KRT7: variants seen among roughly 807,000 people sequenced by gnomAD.
KRT7 encodes the protein keratin 7.
In KRT7, 50 loss-of-function variants were observed where a neutral mutation model predicts 42.8. The ratio of observed to expected loss-of-function variants is 1.17; its 90% confidence interval spans 0.93 to 1.48. The LOEUF (loss-of-function observed/expected upper bound fraction) is 1.48. KRT7 is among the 40% of genes most tolerant of loss of function. The pLI, the probability that KRT7 is intolerant of heterozygous loss-of-function variation, is 0.00. For missense variants in KRT7, 588 were observed against 637.6 expected (o/e 0.92, Z 0.84); for synonymous variants, 268 against 266.3 (o/e 1.01, Z -0.06).
chr12:52,252,862 A>C (rs533732541), downstream of KRT7, among the ~76,000 whole-genome samples: 9 of 152,278 alleles, frequency 5.9e-5, no homozygotes, highest in African/African-American at 2.2e-4. Context: ...TTGATGTCTG[A>C]ATGTGTGATC....
chr12:52,253,757 G>A (rs1158331177), downstream of KRT7: 6 of 952,164 alleles, frequency 6.3e-6, no homozygotes, highest in African/African-American at 1.7e-5. Context: ...ACTGGAGAAC[G>A]CGGATCTCCT....
intron 3 of KRT7, 132 bp from the exon 4 acceptor site, chr12:52,238,548 G>C (rs940614382): frequency 1.5e-6 from 1 of 655,578 alleles, no homozygotes; most frequent in Admixed American, 2.3e-5. Flanking sequence ...AGCAGCTGTA[G>C]AAACTGTTTC....
chr12:52,241,836 A>C (rs745933496), intron 5 of KRT7, 200 bp downstream of exon 5: 1 of 483,598 alleles, frequency 2.1e-6, no homozygotes, highest in Admixed American at 3.6e-5. Flanking sequence ...TGGATTAATC[A>C]TTATAATAGC....
chr12:52,255,658 C>T (rs1037190517), downstream of KRT7, among the ~76,000 whole-genome samples: 2 of 152,164 alleles, frequency 1.3e-5, no homozygotes, highest in African/African-American at 2.4e-5. Context: ...TGCACATTTT[C>T]GAAGACCTCC....
chr12:52,248,025 G>T (rs1271427465), intron 7 of KRT7, 152 bp from the exon 8 acceptor site: 3 of 725,838 alleles, frequency 4.1e-6, no homozygotes, highest in African/African-American at 1.7e-5. Context: ...ATGCCTCCTC[G>T]CTCCTTTTAC....
At chr12:52,251,133 C>T (rs1942260684), downstream of KRT7, among the ~76,000 whole-genome samples, 1 of 152,176 alleles carries the variant, frequency 6.6e-6, no homozygotes, top group Non-Finnish European at 1.5e-5. Flanking sequence ...GTGTCCATCA[C>T]CTTGCCCGGC....
intron 6 of KRT7, among the ~76,000 whole-genome samples, chr12:52,243,848 A>G (rs927408735): frequency 6.6e-6 from 1 of 152,102 alleles, no homozygotes; most frequent in Admixed American, 6.5e-5. Flanking sequence ...GATGGTCCCT[A>G]CCTCCACTGG....
downstream of KRT7, chr12:52,252,457 C>T (rs758461376): frequency 1.2e-5 from 20 of 1,614,032 alleles, no homozygotes; most frequent in South Asian, 1.1e-4. Flanking sequence ...TCAGACTGGG[C>T]CACCGCGGCC....
At chr12:52,241,431 G>A in intron 4 of KRT7, 41 bp from the exon 5 acceptor site, 1 of 1,521,616 alleles carries the variant, frequency 6.6e-7, no homozygotes, top group South Asian at 1.2e-5. Flanking sequence ...GTGGGCATAG[G>A]ATCCTGCCCT....
At chr12:52,243,418 A>C in intron 6 of KRT7, 1 of 362,002 alleles carries the variant, frequency 2.8e-6, no homozygotes. Context: ...GATACTGAGC[A>C]CTCTGCTTGC....
intron 6 of KRT7, chr12:52,244,917 G>A (rs1942146329): frequency 5.9e-6 from 1 of 169,866 alleles, no homozygotes; most frequent in Non-Finnish European, 1.2e-5. Context: ...TATTTTATAG[G>A]TGGTTTCTGG....
At chr12:52,255,308 C>G (rs1033565078), downstream of KRT7, 3 of 456,598 alleles carry the variant, frequency 6.6e-6, no homozygotes, top group South Asian at 1.5e-5. Context: ...TGTCTCTGGC[C>G]TCCATTCTGA....
At chr12:52,248,550 G>C (rs1346701775) in intron 8 of KRT7, 41 bp from the exon 9 acceptor site, 1 of 1,526,412 alleles carries the variant, frequency 6.6e-7, no homozygotes, top group Admixed American at 2.0e-5. Flanking sequence ...CCCTGGTAGG[G>C]AGCCTCACGC....
downstream of KRT7, chr12:52,253,083 A>G (rs1044575821): frequency 1.2e-6 from 1 of 844,282 alleles, no homozygotes; most frequent in Non-Finnish European, 2.0e-6. Flanking sequence ...TCCATGGAGG[A>G]GGCTGTCTGT....
In KRT7 at chr12:52,233,589, TCAA is replaced by T. The variant is rs987846727; in HGVS notation, c.300_302del (p.Asn100del). 10 of 1,612,900 alleles carry T rather than the reference TCAA, an allele frequency of 6.2e-6. No individual in the cohort carries two copies. Among genetic ancestry groups the T allele is most frequent in the African/African-American group, 1.3e-5 (1 of 74,958 alleles). On this transcript the variant is annotated inframe_deletion, in exon 1 of 9. Transcript: ENST00000331817. ...GAGGAGAGCGAGCAGATCAAGACCC[TCAA>T]CAACAAGTTTGCCTCCTTCATCGAC...
At chr12:52,243,389 C>T (rs1942121895) in intron 6 of KRT7, 1 of 467,612 alleles carries the variant, frequency 2.1e-6, no homozygotes, top group East Asian at 3.8e-5. Flanking sequence ...CAGAAGAAAG[C>T]CACCACTGGT....
Position 52,245,588 on chromosome 12 carries a change from C to T in KRT7, c.1161C>T (p.Ile387=), listed in dbSNP as rs115406998. ...TGAGCGTGAAGCTGGCCCTGGACAT[C>T]GAGATCGCCACCTACCGCAAGCTGC... The part of the protein sequence containing the change: ...ELMSVKLALD[I]EIATYRKLLE... Residue 387 remains isoleucine, a synonymous_variant, in exon 7 of 9, where the codon ATC becomes ATT. Coordinates refer to ENST00000331817, the MANE Select transcript of KRT7 (RefSeq NM_005556.4). 705 of 1,613,940 alleles carry T rather than the reference C, an allele frequency of 4.4e-4. 2 individuals carry two copies. In the African/African-American group the frequency reaches 8.3e-3, roughly 19 times the overall value.
chr12:52,244,470 G>A (rs1432851799), intron 6 of KRT7: 11 of 985,760 alleles, frequency 1.1e-5, no homozygotes, highest in Non-Finnish European at 1.3e-5. Flanking sequence ...CGTTGGCTCT[G>A]GGGGCACCAG....
downstream of KRT7, chr12:52,253,377 C>T: frequency 6.2e-7 from 1 of 1,606,154 alleles, no homozygotes; most frequent in Non-Finnish European, 8.5e-7. Flanking sequence ...CAGGGTGGGA[C>T]CTCCCATCCA....
Sources: allele counts gnomAD v4.1 joint callset (sites outside exome capture counted in the v4.1 genomes callset), GRCh38; gene constraint gnomAD v4.1.1; transcripts MANE v1.5; gene names NCBI Gene and HGNC (gene_info 2026-07-23, HGNC 2026-07-21).